MED25: variants seen among roughly 807,000 people sequenced by gnomAD.
MED25 encodes the protein mediator complex subunit 25, also known as mediator of RNA polymerase II transcription subunit 25.
MED25 carries 62 observed loss-of-function variants against 89.4 expected under a neutral mutation model. That is an observed-to-expected ratio of 0.69 (90% confidence interval 0.57 to 0.86). MED25 has a LOEUF of 0.86. Ranked by LOEUF, MED25 falls within the 40% of genes least tolerant of loss-of-function variation. The probability of loss-of-function intolerance (pLI) is 0.00; values close to 1 mark genes in which losing one functional copy is unlikely to be tolerated. For synonymous variants in MED25, 449 were observed against 427.9 expected, an observed-to-expected ratio of 1.05 and a Z score of -0.61; for missense variants, 905 against 1,005.2, an observed-to-expected ratio of 0.90 and a Z score of 1.35.
Position 49,834,960 on chromosome 19 carries a change from G to A in MED25, c.1483-26G>A. The A allele has an allele frequency of 1.2e-6, 2 of 1,613,272 alleles. No homozygotes were observed. Among genetic ancestry groups the A allele is most frequent in the Non-Finnish European group, 8.5e-7 (1 of 1,179,748 alleles). On this transcript the variant is annotated intron_variant, in intron 13 of 17. Coordinates refer to ENST00000312865, the MANE Select transcript of MED25 (RefSeq NM_030973.4). The surrounding 1 kb of genome is among the most constrained non-coding windows in gnomAD (Gnocchi z 4.1). Reference sequence around the variant, plus strand: ...GGCTGCCTCTTTCAGGGCCTGAATGGTTCTGAAGAGCTGTTGTCCACCCAG... The same window carrying A: ...GGCTGCCTCTTTCAGGGCCTGAATGATTCTGAAGAGCTGTTGTCCACCCAG...
Position 49,829,028 on chromosome 19 carries a change from G to C in MED25, c.463G>C (p.Ala155Pro). Residue 155 changes from alanine (A) to proline (P), a missense_variant, in exon 5 of 18, where the codon GCT becomes CCT. Physicochemically the swap from Ala to Pro is conservative, Grantham distance 27. Coordinates refer to ENST00000312865, the MANE Select transcript of MED25 (RefSeq NM_030973.4). This position sits in a 1 kb window ranked among gnomAD's most constrained non-coding sequence, Gnocchi z 4.6. The stretch of plus-strand genomic sequence containing the variant: ...CAACTCACCCCCATACTTGTTGCCT[G>C]CTGTTGAGAGCACCACGTACTCTGG... ...ICNSPPYLLP[A>P]VESTTYSGCT... 6.2e-7 allele frequency: 1 copy of C among 1,614,088 alleles called. No individual in the cohort carries two copies. Among genetic ancestry groups the C allele is most frequent in the Non-Finnish European group, 8.5e-7 (1 of 1,180,010 alleles).
chr19:49,828,360 T>C (rs1480078260), intron 3 of MED25, 89 bp from the exon 4 acceptor site: 1 of 883,574 alleles, frequency 1.1e-6, no homozygotes, highest in Admixed American at 1.7e-5. Context: ...CAGGATAGAG[T>C]GGGGGACAGC....
rs1464053846 is a variant in MED25, at chr19:49,836,566, A to G, written c.2146+160A>G. On this transcript the variant is annotated intron_variant, in intron 17 of 17. Coordinates refer to ENST00000312865, the MANE Select transcript of MED25 (RefSeq NM_030973.4). The surrounding 1 kb of genome is among the most constrained non-coding windows in gnomAD (Gnocchi z 5.1). Reference sequence around the variant, plus strand: ...GGAGCTCTGAGGGCTCCGGGAAAGTACAGCCCATGGGTCCAAGGACCTAGT... The same window carrying G: ...GGAGCTCTGAGGGCTCCGGGAAAGTGCAGCCCATGGGTCCAAGGACCTAGT... 7.7e-6 allele frequency: 7 copies of G among 910,476 alleles called. No homozygotes were observed. Among genetic ancestry groups the G allele is most frequent in the Non-Finnish European group, 1.1e-5 (6 of 564,656 alleles). The allele number at this position is 910,476 out of a possible 1,614,324, so 56.4% of individuals were successfully genotyped here. A position where few individuals can be genotyped will look rare whatever the true frequency, so the allele number is the denominator to read the frequency against.
intron 13 of MED25, chr19:49,832,827 A>C (rs772049250): frequency 1.6e-5 from 5 of 309,278 alleles, no homozygotes; most frequent in African/African-American, 1.1e-4. Flanking sequence ...CGCTCTCTCT[A>C]GAGGCTGGAG....
At position 49,830,246 on chromosome 19, in the gene MED25, C is replaced by G; in HGVS notation, c.819+28C>G. 1 of 1,602,916 alleles carries G rather than the reference C, an allele frequency of 6.2e-7. No homozygotes were observed. The highest frequency in any genetic ancestry group is 8.5e-7 in the Non-Finnish European group (1 of 1,174,218). On this transcript the variant is annotated intron_variant, in intron 7 of 17. Coordinates refer to ENST00000312865, the MANE Select transcript of MED25 (RefSeq NM_030973.4). The surrounding 1 kb of genome is among the most constrained non-coding windows in gnomAD (Gnocchi z 4.6). The stretch of plus-strand genomic sequence containing the variant: ...ATGGATATTTCCGGGAAGGGACATG[C>G]TTCTGGGGACTTGCTGGAGCCCTGG...
chr19:49,830,543 C>T lies in MED25; in HGVS notation c.852C>T (p.Ala284=), dbSNP rs200117024. The part of the protein sequence containing the change: ...VPGNLSAAQV[A]AQNAVEAAKN... ...GGAACCTGAGTGCAGCTCAGGTGGCCGCGCAGAATGCAGTGGAGGCTGCCA... is the reference window on the plus strand; with the variant it reads ...GGAACCTGAGTGCAGCTCAGGTGGCTGCGCAGAATGCAGTGGAGGCTGCCA... Residue 284 remains alanine, a synonymous_variant, in exon 8 of 18, where the codon GCC becomes GCT. Coordinates refer to ENST00000312865, the MANE Select transcript of MED25 (RefSeq NM_030973.4). The surrounding 1 kb of genome is among the most constrained non-coding windows in gnomAD (Gnocchi z 4.6). 3.4e-5 allele frequency: 55 copies of T among 1,614,098 alleles called. No individual in the cohort carries two copies. In the East Asian group the frequency reaches 9.6e-4, roughly 28 times the overall value.
rs1188669288 is a variant in MED25, at chr19:49,830,924, T to C, written c.1101+37T>C. 6.3e-7 allele frequency: 1 copy of C among 1,585,672 alleles called. No homozygotes were observed. ...CACGCCTCCTGCCCCTGCTCCTTCC[T>C]CCTGCTGTCCACAGCTAGGACAGTT... On this transcript the variant is annotated intron_variant, in intron 9 of 17. Transcript: ENST00000312865. The surrounding 1 kb of genome is among the most constrained non-coding windows in gnomAD (Gnocchi z 4.6).
Position 49,832,148 on chromosome 19 carries a change from G to T in MED25, c.1365G>T (p.Gln455His). ...AGCTGATCATGCAGCTCATCCCCCA[G>T]CAGCTGCTGGTGAGTGGCGGTGGAG... ...PQKLIMQLIP[Q>H]QLLTTLGPLF... Residue 455 changes from glutamine (Q) to histidine (H), a missense_variant, in exon 12 of 18, where the codon CAG (glutamine) becomes CAT (histidine). Physicochemically the swap from Gln to His is conservative, Grantham distance 24 (BLOSUM62 0). Around this residue, in one of 3 missense-constraint regions of MED25, gnomAD observed 133 missense variants for 220.2 expected, o/e 0.60. Coordinates refer to ENST00000312865, the MANE Select transcript of MED25 (RefSeq NM_030973.4). 6.2e-7 allele frequency: 1 copy of T among 1,612,758 alleles called. No individual in the cohort carries two copies. The highest frequency in any genetic ancestry group is 1.1e-5 in the South Asian group (1 of 91,038).
intron 3 of MED25, among the ~76,000 whole-genome samples, chr19:49,821,063 C>A (rs542435131): frequency 8.3e-4 from 127 of 152,312 alleles, no homozygotes; most frequent in African/African-American, 3.0e-3. Flanking sequence ...AGTGGCTTGG[C>A]TGGATGGTTG....
chr19:49,836,316 C>T lies in MED25; in HGVS notation c.2056C>T (p.Leu686=), dbSNP rs201969940. 1,694 of 1,611,156 alleles carry T rather than the reference C, an allele frequency of 1.1e-3. 12 individuals are homozygous for T. The African/African-American group carries it at 0.018, about 17-fold the overall frequency. ...GCTGCTGCCTCCGCCGCACCAGGGCCTGGGGCAGCCCCAGTTGGGGCCCCC... is the reference window on the plus strand; with the variant it reads ...GCTGCTGCCTCCGCCGCACCAGGGCTTGGGGCAGCCCCAGTTGGGGCCCCC... ...PALLPPPHQG[L]GQPQLGPPLL... is the part of the protein sequence containing the mutation. The change falls in exon 17 of 18, where the codon CTG becomes TTG. Residue 686 remains leucine (L), a synonymous_variant. Transcript: ENST00000312865. The surrounding 1 kb of genome is among the most constrained non-coding windows in gnomAD (Gnocchi z 5.1).
chr19:49,829,083 T>TCC lies in MED25; in HGVS notation c.518_519insCC (p.Gly174LeufsTer41), dbSNP rs750744901. On this transcript the variant is annotated frameshift_variant, in exon 5 of 18. Transcript: ENST00000312865. LOFTEE classifies it high-confidence loss of function. The surrounding 1 kb of genome is among the most constrained non-coding windows in gnomAD (Gnocchi z 4.6). Reference sequence around the variant, plus strand: ...ACAACTGAGAATCTTGTGCAGCAGATTGGGGAGGTGAGGACTCCAGGGTCT... The same window carrying TCC: ...ACAACTGAGAATCTTGTGCAGCAGATCCTGGGGAGGTGAGGACTCCAGGGTCT... 1.9e-6 allele frequency: 3 copies of TCC among 1,613,110 alleles called. No homozygotes were observed. Among genetic ancestry groups the TCC allele is most frequent in the Non-Finnish European group, 2.5e-6 (3 of 1,179,564 alleles).
At position 49,831,926 on chromosome 19, in the gene MED25, T is replaced by TC. The variant is rs778157941; in HGVS notation, c.1231-5dup. The TC allele has an allele frequency of 1.5e-5, 24 of 1,613,204 alleles. 1 individual carries two copies. The highest frequency in any genetic ancestry group is 3.3e-4 in the Middle Eastern group (2 of 6,082). ...CCCTTTTTACTGACATGCTCTTTTT[T>TC]CCCCCTCAGAAACCCAAACCTGCCT... On this transcript the variant is annotated splice_polypyrimidine_tract_variant and intron_variant, in intron 10 of 17. Transcript: ENST00000312865. The surrounding 1 kb of genome is among the most constrained non-coding windows in gnomAD (Gnocchi z 5.0).
rs763175687 is a variant in MED25 at position 49,830,732 on chromosome 19, G to A, written c.946G>A (p.Val316Met). 6.2e-7 allele frequency: 1 copy of A among 1,613,946 alleles called. No individual in the cohort carries two copies. The highest frequency in any genetic ancestry group is 8.5e-7 in the Non-Finnish European group (1 of 1,179,968). ...CCCTCTCCAACAAGCTGCTCCCGGA[G>A]TGGGTCCCCCCTTCAGCCAGGCCCC... is the stretch of plus-strand genomic sequence containing the variant. ...ITPLQQAAPGVGPPFSQAPAP... is the reference protein window; with the variant it reads ...ITPLQQAAPGMGPPFSQAPAP... Residue 316 changes from valine (V) to methionine (M), a missense_variant, in exon 9 of 18, where the codon GTG becomes ATG. By Grantham distance (21) the Val-to-Met change is conservative (BLOSUM62 1). Transcript: ENST00000312865. This position sits in a 1 kb window ranked among gnomAD's most constrained non-coding sequence, Gnocchi z 4.6.
chr19:49,829,632 C>A lies in MED25; in HGVS notation c.526-154C>A, dbSNP rs979092291. Among the ~76,000 whole-genome samples the A allele has an allele frequency of 2.6e-5, 4 of 152,138 alleles. No homozygotes were observed. The highest frequency in any genetic ancestry group is 9.7e-5 in the African/African-American group (4 of 41,450). ...CCAGAGTCTCCCGGGGCAGGTGATACCTGGTTTCAGGGTCTCCTGCCTCAA... is the reference window on the plus strand; with the variant it reads ...CCAGAGTCTCCCGGGGCAGGTGATAACTGGTTTCAGGGTCTCCTGCCTCAA... On this transcript the variant is annotated intron_variant, in intron 5 of 17. Coordinates refer to ENST00000312865, the MANE Select transcript of MED25 (RefSeq NM_030973.4). The surrounding 1 kb of genome is among the most constrained non-coding windows in gnomAD (Gnocchi z 4.6).
At position 49,829,855 on chromosome 19, in the gene MED25, G is replaced by GC. The variant is rs748546983; in HGVS notation, c.602dup (p.Ala202GlyfsTer197). 44 of 1,612,068 alleles carry GC rather than the reference G, an allele frequency of 2.7e-5. No individual in the cohort carries two copies. Among genetic ancestry groups the GC allele is most frequent in the South Asian group, 8.8e-5 (8 of 90,986 alleles). ...GCTTCGGCTTCTGTTTGAGAAGGCA[G>GC]CCCCCCCGGCCTTGCTGGAGCCGCT... On this transcript the variant is annotated frameshift_variant, in exon 6 of 18. Transcript: ENST00000312865. LOFTEE classifies it high-confidence loss of function. This position sits in a 1 kb window ranked among gnomAD's most constrained non-coding sequence, Gnocchi z 4.6.
rs1568625670 is a variant in MED25 at position 49,835,923 on chromosome 19, G to A, written c.1943G>A (p.Ser648Asn). ...QNPGANPQLR[S>N]LLLNPPPPQT... The stretch of plus-strand genomic sequence containing the variant: ...CCTGGGGCCAACCCTCAGCTGCGAA[G>A]CCTCCTCCTCAACCCACCACCGGTG... The change falls in exon 16 of 18, where the codon AGC (serine) becomes AAC (asparagine). Residue 648 changes from serine (S) to asparagine (N), a missense_variant. Ser to Asn is a conservative substitution (Grantham distance 46). Coordinates refer to ENST00000312865, the MANE Select transcript of MED25 (RefSeq NM_030973.4). This position sits in a 1 kb window ranked among gnomAD's most constrained non-coding sequence, Gnocchi z 6.2. The A allele has an allele frequency of 6.2e-7, 1 of 1,612,888 alleles. No homozygotes were observed. The highest frequency in any genetic ancestry group is 8.5e-7 in the Non-Finnish European group (1 of 1,179,968).
At position 49,818,347 on chromosome 19, in the gene MED25, C is replaced by A. The variant is rs1310661660; in HGVS notation, c.6C>A (p.Val2=). The change falls in exon 1 of 18, where the codon GTC becomes GTA. Residue 2 remains valine (V), a synonymous_variant. Transcript: ENST00000312865. ...TGGCGGGTACCGCACGGGGTATGGT[C>A]CCCGGGTCCGAGGGCCCGGCCCGCG... M[V]PGSEGPARAG... is the part of the protein sequence containing the mutation. The A allele has an allele frequency of 1.9e-6, 3 of 1,590,660 alleles. No homozygotes were observed. The highest frequency in any genetic ancestry group is 2.6e-6 in the Non-Finnish European group (3 of 1,168,390).
At chr19:49,826,246 C>CAGG (rs1270188727) in intron 3 of MED25, among the ~76,000 whole-genome samples, 1 of 152,194 alleles carries the variant, frequency 6.6e-6, no homozygotes, top group Non-Finnish European at 1.5e-5. Context: ...GAGGCTGAGG[C>CAGG]AGGAGAATGG....
Position 49,831,530 on chromosome 19 carries a change from A to C in MED25, c.1230+69A>C. The C allele has an allele frequency of 2.6e-6, 4 of 1,547,116 alleles. No individual in the cohort carries two copies. Among genetic ancestry groups the C allele is most frequent in the Non-Finnish European group, 3.5e-6 (4 of 1,136,590 alleles). On this transcript the variant is annotated intron_variant, in intron 10 of 17. Coordinates refer to ENST00000312865, the MANE Select transcript of MED25 (RefSeq NM_030973.4). This position sits in a 1 kb window ranked among gnomAD's most constrained non-coding sequence, Gnocchi z 5.0. ...CCGTGGGGCTGGGCATGTAGGACTC[A>C]TGGGGCCAGATGCGTGGGGTCTGCA...
Sources: gnomAD v4.1 joint callset for allele counts (sites outside exome capture counted in the v4.1 genomes callset) on GRCh38, gnomAD v4.1.1 for gene constraint, gnomAD v4.1.1 regional missense constraint, Gnocchi (gnomAD v3.1) non-coding constraint, MANE v1.5 for transcripts, NCBI Gene and HGNC (gene_info 2026-07-23, HGNC 2026-07-21) for gene names.